ADGRL3: variants seen among roughly 807,000 people sequenced by gnomAD.
The protein encoded by ADGRL3 is calcium-independent alpha-latrotoxin receptor 3.
In ADGRL3, 62 loss-of-function variants were observed where a neutral mutation model predicts 153.5. The observed-to-expected ratio is 0.40, with a 90% CI of 0.33 to 0.50. The LOEUF (loss-of-function observed/expected upper bound fraction) is 0.50. Among genes scored for constraint, ADGRL3 ranks in the 20% least tolerant of loss-of-function variants. The probability of loss-of-function intolerance (pLI) is 0.47; values close to 1 mark genes in which losing one functional copy is unlikely to be tolerated. For missense variants in ADGRL3, 1,641 were observed against 1,859.4 expected, an observed-to-expected ratio of 0.88 and a Z score of 2.16; for synonymous variants, 710 against 672.5, an observed-to-expected ratio of 1.06 and a Z score of -0.86.
intron 8 of ADGRL3, among the ~76,000 whole-genome samples, chr4:61,734,042 AGTCT>A (rs927848083): frequency 2.6e-5 from 4 of 152,180 alleles, no homozygotes; most frequent in African/African-American, 9.6e-5. Flanking sequence ...TGTCAGTTTG[AGTCT>A]GTCTGTTCTG....
intron 5 of ADGRL3, among the ~76,000 whole-genome samples, chr4:61,608,585 T>C (rs1226797188): frequency 2.0e-5 from 3 of 152,200 alleles, no homozygotes; most frequent in African/African-American, 7.2e-5. Context: ...ATTTGGCTCT[T>C]TTGCTGACCT....
At chr4:61,275,754 G>A (rs570611682) in intron 1 of ADGRL3, among the ~76,000 whole-genome samples, 2 of 152,146 alleles carry the variant, frequency 1.3e-5, no homozygotes, top group Admixed American at 1.3e-4. Context: ...ACCATGTCTA[G>A]ACAGATCAAG....
intron 9 of ADGRL3, among the ~76,000 whole-genome samples, chr4:61,820,305 A>G (rs937409673): frequency 1.3e-5 from 2 of 152,272 alleles, no homozygotes; most frequent in Admixed American, 1.3e-4. Context: ...TGCATAATTT[A>G]TGGCTGTGAT....
chr4:61,318,514 T>C (rs1450197032), intron 1 of ADGRL3, among the ~76,000 whole-genome samples: 1 of 152,138 alleles, frequency 6.6e-6, no homozygotes, highest in Non-Finnish European at 1.5e-5. Flanking sequence ...CATGAAGTAG[T>C]GTAATATCAT....
chr4:61,744,962 T>C (rs1391315462), intron 8 of ADGRL3, among the ~76,000 whole-genome samples: 8 of 152,092 alleles, frequency 5.3e-5, no homozygotes, highest in Middle Eastern at 3.4e-3. Flanking sequence ...AGTTGAAAAC[T>C]TTGAAAAAAA....
chr4:62,063,974 C>T (rs1014459976), intron 25 of ADGRL3, among the ~76,000 whole-genome samples: 63 of 151,892 alleles, frequency 4.1e-4, no homozygotes, highest in Admixed American at 2.6e-4. Context: ...ATATTTTCTT[C>T]AGGTAAGTAA....
chr4:62,002,008 A>G (rs924282077), intron 21 of ADGRL3, among the ~76,000 whole-genome samples: 5 of 151,836 alleles, frequency 3.3e-5, no homozygotes, highest in African/African-American at 1.2e-4. Flanking sequence ...CTTTATCTAA[A>G]ATGTGTTTGC....
chr4:61,718,177 T>A (rs1189192150), intron 6 of ADGRL3, among the ~76,000 whole-genome samples: 4 of 152,206 alleles, frequency 2.6e-5, no homozygotes, highest in Non-Finnish European at 5.9e-5. Flanking sequence ...AACAAATAGA[T>A]GTATTGATTA....
Position 61,570,388 on chromosome 4 carries a change from AC to A in ADGRL3, c.260-16838del, listed in dbSNP as rs528446752. On this transcript the variant is annotated intron_variant, in intron 4 of 26. Coordinates refer to ENST00000683033, the MANE Select transcript of ADGRL3 (RefSeq NM_001387552.1). ...TCAATACTAACATAATATAATCCAA[AC>A]TTTTATTCCATCTATCTGGGTGATT... is the stretch of plus-strand genomic sequence containing the variant. 3.0e-3 allele frequency among the ~76,000 whole-genome samples: 455 copies of A among 152,096 alleles called. 2 individuals carry two copies. Among genetic ancestry groups the A allele is most frequent in the Non-Finnish European group, 5.3e-3 (359 of 67,968 alleles).
At chr4:61,686,139 T>G (rs2095438249) in intron 6 of ADGRL3, among the ~76,000 whole-genome samples, 1 of 152,118 alleles carries the variant, frequency 6.6e-6, no homozygotes, top group Non-Finnish European at 1.5e-5. Flanking sequence ...AATATAGAAC[T>G]TATGCATTTA....
intron 5 of ADGRL3, among the ~76,000 whole-genome samples, chr4:61,608,007 G>A (rs954419597): frequency 6.6e-6 from 1 of 152,166 alleles, no homozygotes; most frequent in Non-Finnish European, 1.5e-5. Flanking sequence ...TCTTCGCAAA[G>A]GTAGTTTCAT....
intron 9 of ADGRL3, among the ~76,000 whole-genome samples, chr4:61,857,215 A>G (rs556611199): frequency 6.6e-6 from 1 of 151,954 alleles, no homozygotes; most frequent in South Asian, 2.1e-4. Context: ...TGCAGGCATG[A>G]GCCACTGTGT....
At chr4:61,371,639 C>G (rs1399602300) in intron 1 of ADGRL3, among the ~76,000 whole-genome samples, 12 of 152,086 alleles carry the variant, frequency 7.9e-5, no homozygotes, top group Admixed American at 7.9e-4. Context: ...GGTAACCCGA[C>G]CTTTCTCTCT....
chr4:61,258,612 A>G (rs578098112), intron 1 of ADGRL3, among the ~76,000 whole-genome samples: 2 of 152,164 alleles, frequency 1.3e-5, no homozygotes, highest in African/African-American at 4.8e-5. Context: ...GTGATACTGA[A>G]ATCAATGTTT....
chr4:61,758,477 T>C lies in ADGRL3; in HGVS notation c.1399+24923T>C, dbSNP rs534193357. The stretch of plus-strand genomic sequence containing the variant: ...TTGATCTTTGTTGGTTTAAAGTCTG[T>C]TTTATCAGAGACTAGGATTGCAACC... On this transcript the variant is annotated intron_variant, in intron 8 of 26. Coordinates refer to ENST00000683033, the MANE Select transcript of ADGRL3 (RefSeq NM_001387552.1). Among the ~76,000 whole-genome samples, 125 of 152,318 alleles carry C rather than the reference T, an allele frequency of 8.2e-4. 1 individual carries two copies. The highest frequency in any genetic ancestry group is 6.8e-3 in the Middle Eastern group (2 of 294).
intron 1 of ADGRL3, among the ~76,000 whole-genome samples, chr4:61,207,171 G>T (rs1487636891): frequency 6.6e-6 from 1 of 151,870 alleles, no homozygotes; most frequent in Non-Finnish European, 1.5e-5. Context: ...TCTACATTAG[G>T]TATTTCTCCT....
intron 5 of ADGRL3, among the ~76,000 whole-genome samples, chr4:61,648,007 A>G (rs1246627267): frequency 2.0e-5 from 3 of 152,174 alleles, no homozygotes; most frequent in Admixed American, 2.0e-4. Flanking sequence ...CCACACACAC[A>G]ACATATTCTT....
At chr4:61,748,348 GA>G (rs1331244102) in intron 8 of ADGRL3, among the ~76,000 whole-genome samples, 54 of 151,854 alleles carry the variant, frequency 3.6e-4, no homozygotes, top group African/African-American at 1.2e-3. Flanking sequence ...CACAGAACTG[GA>G]AAAAAACTAC....
chr4:61,996,766 T>C (rs1459255211), intron 20 of ADGRL3, among the ~76,000 whole-genome samples: 1 of 152,172 alleles, frequency 6.6e-6, no homozygotes, highest in Non-Finnish European at 1.5e-5. Flanking sequence ...CTATCAGCTT[T>C]GTTTTTTATA....
Sources: gnomAD v4.1 joint callset for allele counts (sites outside exome capture counted in the v4.1 genomes callset) on GRCh38, gnomAD v4.1.1 for gene constraint, MANE v1.5 for transcripts, NCBI Gene and HGNC (gene_info 2026-07-23, HGNC 2026-07-21) for gene names.